Variants in AOPEP observed in about 807,000 individuals in gnomAD.
AOPEP encodes aminopeptidase O.
In AOPEP, 77 loss-of-function variants were observed where a neutral mutation model predicts 98.1. The ratio of observed to expected loss-of-function variants is 0.78; its 90% CI spans 0.65 to 0.95. AOPEP has a LOEUF of 0.95. Ranked by LOEUF, AOPEP falls within the 40% of genes least tolerant of loss-of-function variation. The pLI, the probability that AOPEP is intolerant of heterozygous loss-of-function variation, is 0.00. For synonymous variants in AOPEP, 346 were observed against 365.3 expected (o/e 0.95, Z 0.60); for missense variants, 1,024 against 1,024.7 (o/e 1.00, Z 0.01).
At chr9:95,003,195 CAGTTAA>C (rs1279555130) in intron 11 of AOPEP, among the ~76,000 whole-genome samples, 5 of 151,922 alleles carry the variant, frequency 3.3e-5, no homozygotes, top group African/African-American at 1.2e-4. Context: ...TGACTGCAAC[CAGTTAA>C]AAACTGCAAA....
In AOPEP at chr9:95,068,758, T is replaced by A. The variant is rs547628722; in HGVS notation, c.2232+7948T>A. On this transcript the variant is annotated intron_variant, in intron 14 of 16. Coordinates refer to ENST00000375315, the MANE Select transcript of AOPEP (RefSeq NM_001193329.3). Reference sequence around the variant, plus strand: ...TTAGTTCTTTAGTCTCTGGGGTTTATTTTTAAAAGCCTGTTTCTCTAGCTC... The same window carrying A: ...TTAGTTCTTTAGTCTCTGGGGTTTAATTTTAAAAGCCTGTTTCTCTAGCTC... 3.9e-5 allele frequency among the ~76,000 whole-genome samples: 6 copies of A among 152,324 alleles called. No homozygotes were observed. In the East Asian group the frequency reaches 1.2e-3, roughly 29 times the overall value.
At chr9:95,044,927 G>A (rs184776210) in intron 13 of AOPEP, among the ~76,000 whole-genome samples, 36 of 152,306 alleles carry the variant, frequency 2.4e-4, no homozygotes, top group African/African-American at 5.3e-4. Context: ...CATGGGTTGC[G>A]TCAGTCCCTC....
intron 7 of AOPEP, chr9:94,932,257 G>A: frequency 1.0e-6 from 1 of 985,534 alleles, no homozygotes; most frequent in Non-Finnish European, 1.2e-6. Context: ...CATGAAGTAT[G>A]TGTCTTATTA....
chr9:95,139,836 A>ATATATATATATATAAATATATATATT, the AOPEP span, among the ~76,000 whole-genome samples: 4 of 144,192 alleles, frequency 2.8e-5, no homozygotes, highest in African/African-American at 1.0e-4. Context: ...ATATATATTT[A>ATATATATATATATAAATATATATATT]TATATATATA....
intron 1 of AOPEP, among the ~76,000 whole-genome samples, chr9:94,743,596 T>A (rs929799339): frequency 2.0e-5 from 3 of 152,226 alleles, no homozygotes; most frequent in African/African-American, 7.2e-5. Context: ...TATTGTTTTT[T>A]CCAATAGGAA....
chr9:94,757,615 CTGTT>C (rs60762067), intron 1 of AOPEP, among the ~76,000 whole-genome samples: 1,810 of 152,292 alleles, frequency 0.012, 20 homozygotes, highest in South Asian at 0.043. Context: ...ATTTAGGAAT[CTGTT>C]AGAGTTAGAC....
chr9:95,023,338 C>A (rs1426200759), intron 13 of AOPEP, among the ~76,000 whole-genome samples: 2 of 152,156 alleles, frequency 1.3e-5, no homozygotes, highest in African/African-American at 4.8e-5. Flanking sequence ...CGGATGTGGG[C>A]CAGCTGAAGT....
chr9:94,849,513 T>G (rs2043276895), intron 5 of AOPEP, among the ~76,000 whole-genome samples: 1 of 151,296 alleles, frequency 6.6e-6, no homozygotes, highest in Non-Finnish European at 1.5e-5. Context: ...TTTCTTTTTT[T>G]TTTTTTGCAG....
chr9:95,084,682 A>G (rs1468200919), intron 16 of AOPEP, among the ~76,000 whole-genome samples: 3 of 152,196 alleles, frequency 2.0e-5, no homozygotes, highest in Non-Finnish European at 4.4e-5. Context: ...CCAGGCAGGC[A>G]AAGGAGTCAT....
intron 13 of AOPEP, among the ~76,000 whole-genome samples, chr9:95,053,476 A>G (rs1211264372): frequency 1.3e-5 from 2 of 152,198 alleles, no homozygotes; most frequent in Admixed American, 6.5e-5. Flanking sequence ...CATACCATAT[A>G]GGATGTTTTG....
intron 5 of AOPEP, among the ~76,000 whole-genome samples, chr9:94,842,789 A>C (rs2042425899): frequency 6.6e-6 from 1 of 152,128 alleles, no homozygotes; most frequent in South Asian, 2.1e-4. Context: ...CATCTCAATA[A>C]AAATTAATAA....
In AOPEP at chr9:94,884,354, C is replaced by G. The variant is rs76111496; in HGVS notation, c.1365-39632C>G. Among the ~76,000 whole-genome samples the G allele has an allele frequency of 7.5e-3, 1,138 of 152,200 alleles. 17 individuals carry two copies. Among genetic ancestry groups the G allele is most frequent in the African/African-American group, 0.026 (1,099 of 41,496 alleles). ...CTACCAGCTAAGGAATGAGTTTGTA[C>G]GGAATTGGCCTGTGGTACCTCAGTG... On this transcript the variant is annotated intron_variant, in intron 5 of 16. Coordinates refer to ENST00000375315, the MANE Select transcript of AOPEP (RefSeq NM_001193329.3).
At chr9:94,782,547 C>T (rs930774437) in intron 3 of AOPEP, among the ~76,000 whole-genome samples, 12 of 152,172 alleles carry the variant, frequency 7.9e-5, no homozygotes, top group Non-Finnish European at 1.6e-4. Context: ...TGAAAGCCAA[C>T]TTTTCAAATG....
In AOPEP at chr9:94,773,168, G is replaced by A. The variant is rs867667078; in HGVS notation, c.964G>A (p.Glu322Lys). Reference protein sequence around the residue: ...NSAKPTQLWEECSSWYYYVTM... With the variant: ...NSAKPTQLWEKCSSWYYYVTM... ...TGCCAAACCAACGCAGCTTTGGGAA[G>A]GTACTGTACATGTGTTCTTTGCTTA... Residue 322 changes from glutamate (E) to lysine (K), a missense_variant and splice_region_variant, in exon 3 of 17, where the codon GAG becomes AAG. Coordinates refer to ENST00000375315, the MANE Select transcript of AOPEP (RefSeq NM_001193329.3). 3.1e-6 allele frequency: 5 copies of A among 1,613,296 alleles called. No homozygotes were observed. The highest frequency in any genetic ancestry group is 4.2e-6 in the Non-Finnish European group (5 of 1,179,578).
At chr9:95,099,097 A>G in the AOPEP span, 3 of 197,798 alleles carry the variant, frequency 1.5e-5, no homozygotes, top group African/African-American at 6.9e-5. Flanking sequence ...AAAATAGACA[A>G]CAAATTACAG....
chr9:95,101,039 C>T, the AOPEP span: 22 of 234,320 alleles, frequency 9.4e-5, no homozygotes, highest in South Asian at 1.4e-3. Context: ...CCTCTACCTT[C>T]GCCTGCCGGC....
intron 5 of AOPEP, among the ~76,000 whole-genome samples, chr9:94,829,069 A>G (rs948981463): frequency 2.6e-5 from 4 of 151,916 alleles, no homozygotes; most frequent in Middle Eastern, 3.4e-3. Context: ...GGGTTTCACC[A>G]TGTTGGCCAG....
intron 3 of AOPEP, among the ~76,000 whole-genome samples, chr9:94,783,483 A>G (rs1356578487): frequency 2.0e-5 from 3 of 152,196 alleles, no homozygotes; most frequent in African/African-American, 7.2e-5. Context: ...AACTAACAAG[A>G]GACAGTCACG....
chr9:94,877,545 G>A (rs1480797797), intron 5 of AOPEP, among the ~76,000 whole-genome samples: 1 of 151,510 alleles, frequency 6.6e-6, no homozygotes, highest in Non-Finnish European at 1.5e-5. Context: ...CCCAGGCTCT[G>A]GAGTAACTGG....
Sources: allele counts gnomAD v4.1 joint callset (sites outside exome capture counted in the v4.1 genomes callset), GRCh38; gene constraint gnomAD v4.1.1; transcripts MANE v1.5; gene names NCBI Gene and HGNC (gene_info 2026-07-23, HGNC 2026-07-21).